The following MAP3K9 variants were observed in gnomAD, a reference collection of about 807,000 sequenced individuals.
MAP3K9 encodes mixed lineage kinase 1 (tyr and ser/thr specificity).
Under a neutral mutation model 95.8 loss-of-function variants are expected in MAP3K9, and 46 were observed. The observed-to-expected ratio is 0.48, with a 90% CI of 0.38 to 0.61. The LOEUF (loss-of-function observed/expected upper bound fraction) is 0.61. Among genes scored for constraint, MAP3K9 ranks in the 20% least tolerant of loss-of-function variants. The pLI is 0.00. For missense variants in MAP3K9, 1,296 were observed against 1,474.3 expected (o/e 0.88, Z 1.98); for synonymous variants, 533 against 593.8 (o/e 0.90, Z 1.49).
Position 70,734,427 on chromosome 14 carries a change from C to T in MAP3K9, c.1985G>A (p.Ser662Asn), listed in dbSNP as rs2053955915. ...SAPNLVKGPR[S>N]SPALPGFTSL... The stretch of plus-strand genomic sequence containing the variant: ...GGTGAACCCTGGCAGGGCCGGGCTA[C>T]TCCTTGGGCCCTTCACCAGGTTGGG... Residue 662 changes from serine (S) to asparagine (N), a missense_variant, in exon 10 of 12, where the codon AGT (serine) becomes AAT (asparagine). Ser to Asn is a conservative substitution (Grantham distance 46, BLOSUM62 1). Around this residue, in one of 5 missense-constraint regions of MAP3K9, gnomAD observed 377 missense variants for 417.1 expected, o/e 0.90. Coordinates refer to ENST00000554752, the MANE Select transcript of MAP3K9 (RefSeq NM_001284230.2). 2 of 1,614,152 alleles carry T rather than the reference C, an allele frequency of 1.2e-6. No homozygotes were observed. Among genetic ancestry groups the T allele is most frequent in the East Asian group, 2.2e-5 (1 of 44,880 alleles).
intron 3 of MAP3K9, among the ~76,000 whole-genome samples, chr14:70,757,255 T>C (rs1161211984): frequency 6.6e-6 from 1 of 152,024 alleles, no homozygotes; most frequent in African/African-American, 2.4e-5. Flanking sequence ...GTGAACAGCT[T>C]GAGCTCAGGA....
chr14:70,742,202 C>A, intron 6 of MAP3K9, 149 bp downstream of exon 6: 1 of 1,065,034 alleles, frequency 9.4e-7, no homozygotes, highest in Non-Finnish European at 1.4e-6. Context: ...GCCAGTCTTT[C>A]CAGTGAACAG....
intron 2 of MAP3K9, among the ~76,000 whole-genome samples, chr14:70,788,725 T>A (rs1049477290): frequency 1.1e-4 from 17 of 152,182 alleles, no homozygotes; most frequent in African/African-American, 4.1e-4. Flanking sequence ...ATCAAAACTA[T>A]AAACATTTCT....
At chr14:70,747,009 G>C (rs184565519) in intron 5 of MAP3K9, among the ~76,000 whole-genome samples, 13 of 152,334 alleles carry the variant, frequency 8.5e-5, no homozygotes, top group Admixed American at 6.5e-4. Flanking sequence ...GGACCCTAAA[G>C]AGTCATTGTA....
intron 3 of MAP3K9, among the ~76,000 whole-genome samples, chr14:70,752,770 C>A (rs990034279): frequency 4.6e-5 from 7 of 152,118 alleles, no homozygotes; most frequent in Non-Finnish European, 1.0e-4. Context: ...CAAATATGTT[C>A]TGTTTGTGTC....
Position 70,733,254 on chromosome 14 carries a change from A to G in MAP3K9, c.2115T>C (p.Arg705=), listed in dbSNP as rs1421185577. ...SQSYLCIPFP[R]GEDGDGPSSD... ...TGGAGGGGCCATCGCCATCCTCTCC[A>G]CGAGGGAATGGGATACAGAGGTAGG... Residue 705 remains arginine, a synonymous_variant, in exon 11 of 12, where the codon CGT becomes CGC. Transcript: ENST00000554752. 6.2e-7 allele frequency: 1 copy of G among 1,612,368 alleles called. No homozygotes were observed. The highest frequency in any genetic ancestry group is 8.5e-7 in the Non-Finnish European group (1 of 1,179,046).
intron 2 of MAP3K9, among the ~76,000 whole-genome samples, chr14:70,794,616 AGAAAAACTG>A (rs1288721387): frequency 6.6e-6 from 1 of 152,156 alleles, no homozygotes; most frequent in Non-Finnish European, 1.5e-5. Context: ...AAAAATGCAC[AGAAAAACTG>A]GAAAAACACA....
At chr14:70,770,621 A>G (rs376139599) in intron 2 of MAP3K9, among the ~76,000 whole-genome samples, 1 of 152,178 alleles carries the variant, frequency 6.6e-6, no homozygotes, top group Non-Finnish European at 1.5e-5. Context: ...TCAGCACATG[A>G]GCAAGACAGC....
intron 9 of MAP3K9, among the ~76,000 whole-genome samples, chr14:70,735,573 C>T (rs2053974315): frequency 6.6e-6 from 1 of 152,176 alleles, no homozygotes; most frequent in East Asian, 1.9e-4. Flanking sequence ...AAGCCTGCTG[C>T]CAAACCCACA....
chr14:70,799,392 T>G (rs2054903562), intron 2 of MAP3K9, among the ~76,000 whole-genome samples: 1 of 152,070 alleles, frequency 6.6e-6, no homozygotes, highest in Non-Finnish European at 1.5e-5. Flanking sequence ...CAGGCTGGAG[T>G]GCAGAGGCAC....
intron 5 of MAP3K9, among the ~76,000 whole-genome samples, chr14:70,748,564 C>T (rs2054181258): frequency 6.6e-6 from 1 of 152,086 alleles, no homozygotes; most frequent in Non-Finnish European, 1.5e-5. Context: ...ATTTCCAGAA[C>T]TTCTCATATT....
intron 5 of MAP3K9, among the ~76,000 whole-genome samples, chr14:70,745,265 T>C (rs954705213): frequency 4.0e-5 from 6 of 151,886 alleles, no homozygotes; most frequent in African/African-American, 1.5e-4. Flanking sequence ...AACAAAATAG[T>C]GTAGAAAGGG....
At position 70,730,862 on chromosome 14, in the gene MAP3K9, T is replaced by C; in HGVS notation, c.2833A>G (p.Met945Val). 1.3e-6 allele frequency: 2 copies of C among 1,595,746 alleles called. No homozygotes were observed. The highest frequency in any genetic ancestry group is 1.7e-6 in the Non-Finnish European group (2 of 1,173,840). Residue 945 changes from methionine (M) to valine (V), a missense_variant and splice_region_variant, in exon 12 of 12, where the codon ATG (methionine) becomes GTG (valine). Met to Val is a conservative substitution (Grantham distance 21, BLOSUM62 1). Coordinates refer to ENST00000554752, the MANE Select transcript of MAP3K9 (RefSeq NM_001284230.2). ...CGGCTGGGACTGGGGGTTTTCAACA[T>C]TCCTGGTCAAAAAGACAAAAGGAGA... Reference protein sequence around the residue: ...NGLSPSPGAGMLKTPSPSRDP... With the variant: ...NGLSPSPGAGVLKTPSPSRDP...
rs1359504247 is a variant in MAP3K9 at position 70,750,036 on chromosome 14, A to G, written c.1047T>C (p.Phe349=). The G allele has an allele frequency of 1.2e-6, 2 of 1,614,226 alleles. No homozygotes were observed. Among genetic ancestry groups the G allele is most frequent in the Non-Finnish European group, 1.7e-6 (2 of 1,180,048 alleles). Reference sequence around the variant, plus strand: ...CGACTGCTAAGCCATCAATGCCTCGAAAGGGCACCTCACCAGTCAGCAACT... The same window carrying G: ...CGACTGCTAAGCCATCAATGCCTCGGAAGGGCACCTCACCAGTCAGCAACT... ...LWELLTGEVP[F]RGIDGLAVAY... is the part of the protein sequence containing the mutation. The change falls in exon 4 of 12, where the codon TTT becomes TTC. Residue 349 remains phenylalanine, a synonymous_variant. Coordinates refer to ENST00000554752, the MANE Select transcript of MAP3K9 (RefSeq NM_001284230.2).
intron 2 of MAP3K9, among the ~76,000 whole-genome samples, chr14:70,769,160 C>T (rs1274576287): frequency 1.3e-5 from 2 of 151,982 alleles, no homozygotes; most frequent in East Asian, 1.9e-4. Context: ...ATAGCACCAC[C>T]ATGTTTGTGC....
chr14:70,807,185 A>G (rs573778888), intron 1 of MAP3K9, among the ~76,000 whole-genome samples: 1 of 152,366 alleles, frequency 6.6e-6, no homozygotes, highest in South Asian at 2.1e-4. Context: ...ATTATGTGCT[A>G]GTTTTTAAAA....
chr14:70,740,249 C>T (rs2054051619), intron 6 of MAP3K9, 85 bp from the exon 7 acceptor site: 4 of 1,418,528 alleles, frequency 2.8e-6, no homozygotes, highest in Non-Finnish European at 3.8e-6. Flanking sequence ...CCTCAGCATC[C>T]TTGAGGGACA....
intron 2 of MAP3K9, among the ~76,000 whole-genome samples, chr14:70,765,803 G>A (rs994940891): frequency 4.0e-5 from 6 of 150,892 alleles, no homozygotes; most frequent in Admixed American, 6.6e-5. Flanking sequence ...GAGCCATAGC[G>A]GGACAAGCTT....
At position 70,808,975 on chromosome 14, in the gene MAP3K9, G is replaced by A. The variant is rs2139877130; in HGVS notation, c.197C>T (p.Ala66Val). The A allele has an allele frequency of 1.3e-6, 2 of 1,567,238 alleles. No homozygotes were observed. Among genetic ancestry groups the A allele is most frequent in the African/African-American group, 1.4e-5 (1 of 73,458 alleles). ...CCGCAGGGTCAGCTCGTCCTCGCCC[G>A]CCGCCTCGTACTCGAACACGGCCGT... The part of the protein sequence containing the change: ...YWTAVFEYEA[A>V]GEDELTLRLG... Residue 66 changes from alanine (A) to valine (V), a missense_variant, in exon 1 of 12, where the codon GCG becomes GTG. Coordinates refer to ENST00000554752, the MANE Select transcript of MAP3K9 (RefSeq NM_001284230.2).
Sources: gnomAD v4.1 joint callset for allele counts (sites outside exome capture counted in the v4.1 genomes callset) on GRCh38, gnomAD v4.1.1 for gene constraint, gnomAD v4.1.1 regional missense constraint, MANE v1.5 for transcripts, NCBI Gene and HGNC (gene_info 2026-07-23, HGNC 2026-07-21) for gene names.